TRIM47: variants seen among roughly 807,000 people sequenced by gnomAD.
TRIM47 encodes tripartite motif containing 47, also known as E3 ubiquitin-protein ligase TRIM47.
Under a neutral mutation model 54.4 loss-of-function variants are expected in TRIM47, and 46 were observed. The ratio of observed to expected loss-of-function variants is 0.84; its 90% CI spans 0.67 to 1.08. The LOEUF (loss-of-function observed/expected upper bound fraction) is 1.08. Ranked by LOEUF, TRIM47 falls within the 50% of genes least tolerant of loss-of-function variation. The pLI is 0.00. For synonymous variants in TRIM47, 392 were observed against 410.2 expected, an observed-to-expected ratio of 0.96 and a Z score of 0.54; for missense variants, 825 against 910.1, an observed-to-expected ratio of 0.91 and a Z score of 1.20.
chr17:75,877,177 T>C, intron 1 of TRIM47: 1 of 297,700 alleles, frequency 3.4e-6, no homozygotes, highest in Admixed American at 4.2e-5. Context: ...GGCGGAGGGG[T>C]GACTGCACAA....
Position 75,876,269 on chromosome 17 carries a change from A to C in TRIM47, c.995T>G (p.Phe332Cys), listed in dbSNP as rs1270822032. 14 of 1,605,000 alleles carry C rather than the reference A, an allele frequency of 8.7e-6. No homozygotes were observed. Among genetic ancestry groups the C allele is most frequent in the East Asian group, 4.5e-5 (2 of 44,786 alleles). The change falls in exon 3 of 6, where the codon TTC becomes TGC. Residue 332 changes from phenylalanine (F) to cysteine (C), a missense_variant. Coordinates refer to ENST00000254816, the MANE Select transcript of TRIM47 (RefSeq NM_033452.3). Reference sequence around the variant, plus strand: ...CCCCAGAGCGGCCTTCACCTGCAGGAAGCTGACTGAGTCAGCTTCAGGGAC... The same window carrying C: ...CCCCAGAGCGGCCTTCACCTGCAGGCAGCTGACTGAGTCAGCTTCAGGGAC... Reference protein sequence around the residue: ...SQVPEADSVSFLQELLALRLA... With the variant: ...SQVPEADSVSCLQELLALRLA...
At chr17:75,876,213 C>A (rs768934249) in intron 3 of TRIM47, 49 bp downstream of exon 3, 3 of 1,572,212 alleles carry the variant, frequency 1.9e-6, no homozygotes, top group Middle Eastern at 1.9e-4. Context: ...CCCTCCACCC[C>A]ACCTGTCCCA....
rs1306717085 is a variant in TRIM47 at position 75,876,850 on chromosome 17, A to G, written c.676-37T>C. The G allele has an allele frequency of 3.7e-6, 6 of 1,603,460 alleles. No homozygotes were observed. In the East Asian group the frequency reaches 1.3e-4, roughly 36 times the overall value. ...ACCCTCCATGAGTGTGAGGTCTGGC[A>G]GAGGCCACAGCCCTACACTCGGGTC... On this transcript the variant is annotated intron_variant, in intron 1 of 5. Transcript: ENST00000254816.
chr17:75,877,940 G>A lies in TRIM47; in HGVS notation c.609C>T (p.Ala203=). ...CRAERVCLCE[A]CAAQEHRGHE... ...GGCCGCGGTGCTCCTGTGCGGCGCA[G>A]GCCTCGCACAGACACACGCGCTCCG... The change falls in exon 1 of 6, where the codon GCC becomes GCT. Residue 203 remains alanine, a synonymous_variant. Coordinates refer to ENST00000254816, the MANE Select transcript of TRIM47 (RefSeq NM_033452.3). The A allele has an allele frequency of 6.9e-7, 1 of 1,449,652 alleles. No homozygotes were observed. The highest frequency in any genetic ancestry group is 9.0e-7 in the Non-Finnish European group (1 of 1,105,688). 89.8% of individuals were successfully genotyped at this position (1,449,652 alleles called of 1,614,324 possible).
intron 3 of TRIM47, 76 bp from the exon 4 acceptor site, chr17:75,876,175 G>C (rs2065132633): frequency 6.4e-7 from 1 of 1,572,300 alleles, no homozygotes; most frequent in Non-Finnish European, 8.6e-7. Context: ...AGCTCTGCCA[G>C]GAAGTCATGC....
chr17:75,877,890 T>C lies in TRIM47; in HGVS notation c.659A>G (p.Glu220Gly). ...GGAGCCCACCTCCTGAAGCGCGCGC[T>C]CCTGCTCCAGCGGCACCAGCTCGTG... is the stretch of plus-strand genomic sequence containing the variant. ...RGHELVPLEQ[E>G]RALQEAEQSK... Residue 220 changes from glutamate to glycine, a missense_variant, in exon 1 of 6, where the codon GAG becomes GGG. Coordinates refer to ENST00000254816, the MANE Select transcript of TRIM47 (RefSeq NM_033452.3). 7.1e-7 allele frequency: 1 copy of C among 1,402,738 alleles called. No homozygotes were observed. Among genetic ancestry groups the C allele is most frequent in the Non-Finnish European group, 9.2e-7 (1 of 1,081,176 alleles). 86.9% of individuals were successfully genotyped at this position (1,402,738 alleles called of 1,614,324 possible). A position where few individuals can be genotyped will look rare whatever the true frequency, so the allele number is the denominator to read the frequency against.
chr17:75,876,635 G>C, intron 2 of TRIM47, 83 bp downstream of exon 2: 2 of 1,561,286 alleles, frequency 1.3e-6, no homozygotes, highest in Non-Finnish European at 1.8e-6. Flanking sequence ...ATCTGGGCCA[G>C]GTCAGGGGAC....
chr17:75,876,948 C>A (rs779073609), intron 1 of TRIM47, 135 bp from the exon 2 acceptor site: 12 of 791,548 alleles, frequency 1.5e-5, no homozygotes, highest in Non-Finnish European at 2.4e-5. Context: ...CTGGAGTGGC[C>A]ACGATGTCCC....
In TRIM47 at chr17:75,875,303, G is replaced by T; in HGVS notation, c.1276+97C>A. The T allele has an allele frequency of 6.8e-7, 1 of 1,474,882 alleles. No homozygotes were observed. The allele number at this position is 1,474,882 out of a possible 1,614,324, so 91.4% of individuals were successfully genotyped here. A position where few individuals can be genotyped will look rare whatever the true frequency, so the allele number is the denominator to read the frequency against. The stretch of plus-strand genomic sequence containing the variant: ...TAGCTCTCCCCACAAACTGGGGAGA[G>T]GAATCCTAACCCTTGTGTGCCAGGG... On this transcript the variant is annotated intron_variant, in intron 5 of 5. Transcript: ENST00000254816. This position sits in a 1 kb window ranked among gnomAD's most constrained non-coding sequence, Gnocchi z 6.1.
In TRIM47 at chr17:75,878,533, G is replaced by T. The variant is rs907790994; in HGVS notation, c.16C>A (p.Pro6Thr). The T allele has an allele frequency of 2.3e-6, 3 of 1,296,558 alleles. No individual in the cohort carries two copies. In the African/African-American group the frequency reaches 4.6e-5, roughly 20 times the overall value. 80.3% of individuals were successfully genotyped at this position (1,296,558 alleles called of 1,614,324 possible). Residue 6 changes from proline to threonine, a missense_variant, in exon 1 of 6, where the codon CCC becomes ACC. By Grantham distance (38) the Pro-to-Thr change is conservative (BLOSUM62 -1). Coordinates refer to ENST00000254816, the MANE Select transcript of TRIM47 (RefSeq NM_033452.3). ...TCTAGGCAGATGGGGCAGCTGAAGG[G>T]TCCACTGCCGTCCATGACTCCGCGG... is the stretch of plus-strand genomic sequence containing the variant. MDGSG[P>T]FSCPICLEPL... is the part of the protein sequence containing the mutation.
At position 75,875,487 on chromosome 17, in the gene TRIM47, A is replaced by T. The variant is rs1253086967; in HGVS notation, c.1202-13T>A. 1 of 1,613,574 alleles carries T rather than the reference A, an allele frequency of 6.2e-7. No homozygotes were observed. Among genetic ancestry groups the T allele is most frequent in the Non-Finnish European group, 8.5e-7 (1 of 1,179,598 alleles). ...GGCTCAGCATCAGCTGTAGAAGAGGAGACAGTGGTGAGAACGCCCCCAGAC... is the reference window on the plus strand; with the variant it reads ...GGCTCAGCATCAGCTGTAGAAGAGGTGACAGTGGTGAGAACGCCCCCAGAC... On this transcript the variant is annotated splice_polypyrimidine_tract_variant and intron_variant, in intron 4 of 5. Coordinates refer to ENST00000254816, the MANE Select transcript of TRIM47 (RefSeq NM_033452.3). This position sits in a 1 kb window ranked among gnomAD's most constrained non-coding sequence, Gnocchi z 6.1.
rs540138566 is a variant in TRIM47 at position 75,875,491 on chromosome 17, A to G, written c.1202-17T>C. On this transcript the variant is annotated splice_polypyrimidine_tract_variant and intron_variant, in intron 4 of 5. Coordinates refer to ENST00000254816, the MANE Select transcript of TRIM47 (RefSeq NM_033452.3). The surrounding 1 kb of genome is among the most constrained non-coding windows in gnomAD (Gnocchi z 6.1). ...CAGCATCAGCTGTAGAAGAGGAGAC[A>G]GTGGTGAGAACGCCCCCAGACTGCC... The G allele has an allele frequency of 6.2e-7, 1 of 1,612,792 alleles. No individual in the cohort carries two copies. Among genetic ancestry groups the G allele is most frequent in the African/African-American group, 1.3e-5 (1 of 74,990 alleles).
At position 75,878,091 on chromosome 17, in the gene TRIM47, G is replaced by C; in HGVS notation, c.458C>G (p.Pro153Arg). ...GCGCTCGTGCGGGCCCAGGTGCGCGGGGCAAAAGGAGGCGAGGCAGGAGAG... is the reference window on the plus strand; with the variant it reads ...GCGCTCGTGCGGGCCCAGGTGCGCGCGGCAAAAGGAGGCGAGGCAGGAGAG... The part of the protein sequence containing the change: ...SCLSCLASFC[P>R]AHLGPHERSP... The change falls in exon 1 of 6, where the codon CCC (proline) becomes CGC (arginine). Residue 153 changes from proline (P) to arginine (R), a missense_variant. Pro to Arg is a moderately radical substitution (Grantham distance 103). Coordinates refer to ENST00000254816, the MANE Select transcript of TRIM47 (RefSeq NM_033452.3). 2 of 1,323,242 alleles carry C rather than the reference G, an allele frequency of 1.5e-6. No homozygotes were observed. The highest frequency in any genetic ancestry group is 2.0e-5 in the South Asian group (1 of 49,420). 82.0% of individuals were successfully genotyped at this position (1,323,242 alleles called of 1,614,324 possible).
chr17:75,878,143 C>T lies in TRIM47; in HGVS notation c.406G>A (p.Ala136Thr). 2.4e-6 allele frequency: 3 copies of T among 1,248,448 alleles called. No individual in the cohort carries two copies. Among genetic ancestry groups the T allele is most frequent in the Non-Finnish European group, 3.0e-6 (3 of 997,420 alleles). 77.3% of individuals were successfully genotyped at this position (1,248,448 alleles called of 1,614,324 possible). Residue 136 changes from alanine to threonine, a missense_variant, in exon 1 of 6, where the codon GCG becomes ACG. Physicochemically the swap from Ala to Thr is moderately conservative, Grantham distance 58. Coordinates refer to ENST00000254816, the MANE Select transcript of TRIM47 (RefSeq NM_033452.3). Reference sequence around the variant, plus strand: ...CAGGACAGCGCGGCGGGCAGGGCCGCGCCCTCGGGGCACGCGTCGCAGCGC... The same window carrying T: ...CAGGACAGCGCGGCGGGCAGGGCCGTGCCCTCGGGGCACGCGTCGCAGCGC... ...PVRCDACPEG[A>T]ALPAALSCLS... is the part of the protein sequence containing the mutation.
Position 75,874,692 on chromosome 17 carries a change from T to C in TRIM47, c.1708A>G (p.Ser570Gly), listed in dbSNP as rs776879914. The part of the protein sequence containing the change: ...AFYAVRDGKM[S>G]LLRRLKASRP... ...GAGGCCTTCAGCCTCCGCAGGAGGCTCATCTTGCCGTCCCGTACAGCATAG... is the reference window on the plus strand; with the variant it reads ...GAGGCCTTCAGCCTCCGCAGGAGGCCCATCTTGCCGTCCCGTACAGCATAG... The change falls in exon 6 of 6, where the codon AGC becomes GGC. Residue 570 changes from serine (S) to glycine (G), a missense_variant. By Grantham distance (56) the Ser-to-Gly change is moderately conservative. Coordinates refer to ENST00000254816, the MANE Select transcript of TRIM47 (RefSeq NM_033452.3). This position sits in a 1 kb window ranked among gnomAD's most constrained non-coding sequence, Gnocchi z 6.2. 1.2e-6 allele frequency: 2 copies of C among 1,608,876 alleles called. No homozygotes were observed. Among genetic ancestry groups the C allele is most frequent in the Admixed American group, 1.7e-5 (1 of 59,762 alleles).
intron 1 of TRIM47, chr17:75,877,410 C>G (rs2065142254): frequency 5.9e-6 from 1 of 170,564 alleles, no homozygotes; most frequent in South Asian, 1.9e-4. Context: ...GCTCCCACCA[C>G]TGGCCCCCGG....
chr17:75,874,715 T>G lies in TRIM47; in HGVS notation c.1685A>C (p.Tyr562Ser). The G allele has an allele frequency of 6.2e-7, 1 of 1,613,834 alleles. No individual in the cohort carries two copies. The highest frequency in any genetic ancestry group is 1.1e-5 in the South Asian group (1 of 91,072). Residue 562 changes from tyrosine (Y) to serine (S), a missense_variant, in exon 6 of 6, where the codon TAT (tyrosine) becomes TCT (serine). Physicochemically the swap from Tyr to Ser is moderately radical, Grantham distance 144. Coordinates refer to ENST00000254816, the MANE Select transcript of TRIM47 (RefSeq NM_033452.3). The surrounding 1 kb of genome is among the most constrained non-coding windows in gnomAD (Gnocchi z 6.2). ...GCTCATCTTGCCGTCCCGTACAGCA[T>G]AGAAGGCCAAGGCACGGTCAGCGTA... ...LEYADRALAF[Y>S]AVRDGKMSLL...
Position 75,874,344 on chromosome 17 carries a change from T to G in TRIM47, c.*139A>C. ...TGCCTGGGAGAGGGAAGGCTGAGTGTATAAAAAGGTGGAAGCCTCTAGAAA... is the reference window on the plus strand; with the variant it reads ...TGCCTGGGAGAGGGAAGGCTGAGTGGATAAAAAGGTGGAAGCCTCTAGAAA... On this transcript the variant is annotated 3_prime_UTR_variant, in exon 6 of 6. Transcript: ENST00000254816. The surrounding 1 kb of genome is among the most constrained non-coding windows in gnomAD (Gnocchi z 6.2). 1 of 750,292 alleles carries G rather than the reference T, an allele frequency of 1.3e-6. No homozygotes were observed. The highest frequency in any genetic ancestry group is 2.0e-6 in the Non-Finnish European group (1 of 500,476). The allele number at this position is 750,292 out of a possible 1,614,324, so 46.5% of individuals were successfully genotyped here.
chr17:75,876,142 T>C, intron 3 of TRIM47, 43 bp from the exon 4 acceptor site: 2 of 1,587,610 alleles, frequency 1.3e-6, no homozygotes, highest in Non-Finnish European at 1.7e-6. Context: ...TGGCCATGGC[T>C]CCTCCTTGCT....
Sources: allele counts gnomAD v4.1 joint callset, GRCh38; gene constraint gnomAD v4.1.1; non-coding constraint Gnocchi (gnomAD v3.1); transcripts MANE v1.5; gene names NCBI Gene and HGNC (gene_info 2026-07-23, HGNC 2026-07-21).